The following WWP1 variants were observed in gnomAD, a reference collection of about 807,000 sequenced individuals.
The protein encoded by WWP1 is NEDD4-like E3 ubiquitin-protein ligase WWP1.
WWP1 carries 49 observed loss-of-function variants against 130.6 expected under a neutral mutation model. That is an observed-to-expected ratio of 0.38 (90% CI 0.30 to 0.48). WWP1 has a LOEUF of 0.48. Among genes scored for constraint, WWP1 ranks in the 20% least tolerant of loss-of-function variants. The pLI is 0.99. For missense variants in WWP1, 809 were observed against 1,100.6 expected (o/e 0.74, Z 3.75); for synonymous variants, 332 against 367.8 (o/e 0.90, Z 1.11).
intron 20 of WWP1, among the ~76,000 whole-genome samples, chr8:86,451,109 C>T (rs1057191595): frequency 6.7e-6 from 1 of 148,922 alleles, no homozygotes. Flanking sequence ...TGGTGGTGTG[C>T]ACTTGTAGTC....
chr8:86,457,850 G>A, intron 21 of WWP1, 71 bp from the exon 22 acceptor site: 1 of 1,442,258 alleles, frequency 6.9e-7, no homozygotes, highest in Admixed American at 1.7e-5. Context: ...ACTGCATTAG[G>A]AAATTTCAGT....
chr8:86,436,153 T>TA (rs1344105267), intron 16 of WWP1, among the ~76,000 whole-genome samples: 1 of 152,212 alleles, frequency 6.6e-6, no homozygotes, highest in Non-Finnish European at 1.5e-5. Flanking sequence ...ATGTTATAGG[T>TA]AAAGGTACTG....
intron 14 of WWP1, among the ~76,000 whole-genome samples, chr8:86,434,331 C>G (rs565922029): frequency 1.3e-5 from 2 of 152,332 alleles, no homozygotes; most frequent in South Asian, 2.1e-4. Context: ...TTCGCTCCTC[C>G]TCATTCACCG....
intron 16 of WWP1, 86 bp from the exon 17 acceptor site, chr8:86,438,499 G>A (rs963687632): frequency 7.8e-6 from 8 of 1,020,876 alleles, no homozygotes; most frequent in Middle Eastern, 2.2e-4. Flanking sequence ...GTGTTATTTT[G>A]AAAATAGAGA....
chr8:86,414,484 G>A (rs1808768647), intron 9 of WWP1, among the ~76,000 whole-genome samples: 1 of 152,158 alleles, frequency 6.6e-6, no homozygotes, highest in Non-Finnish European at 1.5e-5. Context: ...GTGGAACCAA[G>A]GTGGATTCTT....
At chr8:86,419,565 CT>C (rs1400248317) in intron 9 of WWP1, among the ~76,000 whole-genome samples, 1 of 152,082 alleles carries the variant, frequency 6.6e-6, no homozygotes, top group Non-Finnish European at 1.5e-5. Flanking sequence ...TGAAATTTGA[CT>C]GATAAAGGTA....
At position 86,451,214 on chromosome 8, in the gene WWP1, T is replaced by TAAAAAAAAAAAAA. The variant is rs61141803; in HGVS notation, c.2274-1318_2274-1306dup. Among the ~76,000 whole-genome samples, 38 of 43,678 alleles carry TAAAAAAAAAAAAA rather than the reference T, an allele frequency of 8.7e-4. 4 individuals carry two copies. The highest frequency in any genetic ancestry group is 1.4e-3 in the Non-Finnish European group (32 of 23,622). 28.7% of individuals were successfully genotyped at this position (43,678 alleles called of 152,430 possible). On this transcript the variant is annotated intron_variant, in intron 20 of 24. Coordinates refer to ENST00000517970, the MANE Select transcript of WWP1 (RefSeq NM_007013.4). ...GCAACCGAGTGAGACCCTATGTTAT[T>TAAAAAAAAAAAAA]AAAAAAAAAAAAAAAAAAAAAAAAA...
At chr8:86,457,304 T>G (rs1308651068) in intron 21 of WWP1, among the ~76,000 whole-genome samples, 1 of 151,926 alleles carries the variant, frequency 6.6e-6, no homozygotes, top group African/African-American at 2.4e-5. Context: ...GAGGTTAGTA[T>G]ATTTTTTTAT....
intron 10 of WWP1, among the ~76,000 whole-genome samples, chr8:86,427,299 A>G (rs529397500): frequency 6.6e-6 from 1 of 152,312 alleles, no homozygotes; most frequent in Admixed American, 6.5e-5. Flanking sequence ...TAAAACCTAG[A>G]TGATGTGTTG....
chr8:86,443,555 A>T (rs888444555), intron 18 of WWP1, among the ~76,000 whole-genome samples: 2 of 152,232 alleles, frequency 1.3e-5, no homozygotes, highest in Admixed American at 1.3e-4. Flanking sequence ...AAATTTATTG[A>T]CAGCCTACTG....
chr8:86,396,954 C>G (rs1170019329), intron 5 of WWP1, among the ~76,000 whole-genome samples: 1 of 151,968 alleles, frequency 6.6e-6, no homozygotes, highest in African/African-American at 2.4e-5. Context: ...TCTCAAACTC[C>G]TAAGCTCAAG....
At chr8:86,408,949 G>A (rs1003676940) in intron 8 of WWP1, among the ~76,000 whole-genome samples, 2 of 151,972 alleles carry the variant, frequency 1.3e-5, no homozygotes, top group East Asian at 3.9e-4. Context: ...AGGTCTTGAA[G>A]TAATCTTGTT....
chr8:86,375,958 G>C (rs1824625358), intron 3 of WWP1, among the ~76,000 whole-genome samples: 1 of 152,194 alleles, frequency 6.6e-6, no homozygotes. Context: ...TTCATAATTA[G>C]ACACTGAAGT....
chr8:86,430,662 A>G (rs1419094032), intron 11 of WWP1, 35 bp from the exon 12 acceptor site: 1 of 1,549,952 alleles, frequency 6.5e-7, no homozygotes, highest in South Asian at 1.2e-5. Flanking sequence ...AAACACTGTT[A>G]TTTTATTTCT....
intron 10 of WWP1, 58 bp downstream of exon 10, chr8:86,425,376 A>C: frequency 3.7e-6 from 5 of 1,369,304 alleles, no homozygotes; most frequent in Non-Finnish European, 3.1e-6. Flanking sequence ...GTGGTTTTTA[A>C]ATTTATTTAG....
chr8:86,466,715 C>G (rs1812184505), intron 24 of WWP1, 79 bp from the exon 25 acceptor site: 1 of 997,992 alleles, frequency 1.0e-6, no homozygotes, highest in Non-Finnish European at 1.5e-6. Flanking sequence ...TTCAGCATTT[C>G]TATGTGCTTT....
At chr8:86,462,414 G>A (rs1811819059) in intron 24 of WWP1, among the ~76,000 whole-genome samples, 1 of 149,122 alleles carries the variant, frequency 6.7e-6, no homozygotes, top group African/African-American at 2.4e-5. Flanking sequence ...AATATGATAG[G>A]TGTGATTGGA....
At position 86,369,472 on chromosome 8, in the gene WWP1, G is replaced by C. The variant is rs185480193; in HGVS notation, c.-22+441G>C. On this transcript the variant is annotated intron_variant, in intron 2 of 24. Coordinates refer to ENST00000517970, the MANE Select transcript of WWP1 (RefSeq NM_007013.4). Reference sequence around the variant, plus strand: ...TGGGTGATATGAAAGGGTTTATATAGAATAAAGAGAAAAATAGATTGGGGG... The same window carrying C: ...TGGGTGATATGAAAGGGTTTATATACAATAAAGAGAAAAATAGATTGGGGG... Among the ~76,000 whole-genome samples, 3 of 152,192 alleles carry C rather than the reference G, an allele frequency of 2.0e-5. No individual in the cohort carries two copies. The East Asian group carries it at 5.8e-4, about 29-fold the overall frequency.
intron 7 of WWP1, among the ~76,000 whole-genome samples, chr8:86,400,097 G>A (rs559549096): frequency 3.9e-5 from 6 of 152,044 alleles, no homozygotes; most frequent in African/African-American, 1.2e-4. Flanking sequence ...TTGGGAGGCC[G>A]AAGCGGGCAG....
Sources: allele counts gnomAD v4.1 joint callset (sites outside exome capture counted in the v4.1 genomes callset), GRCh38; gene constraint gnomAD v4.1.1; transcripts MANE v1.5; gene names NCBI Gene and HGNC (gene_info 2026-07-23, HGNC 2026-07-21).